The following LCOR variants were observed in gnomAD, a reference collection of about 807,000 sequenced individuals.
LCOR encodes ligand dependent nuclear receptor corepressor.
Under a neutral mutation model 64.4 loss-of-function variants are expected in LCOR, and 14 were observed. That is an observed-to-expected ratio of 0.22 (90% CI 0.14 to 0.34). The LOEUF (loss-of-function observed/expected upper bound fraction) is 0.34, where lower values mean the gene tolerates loss of function less well. LCOR is among the 10% of genes least tolerant of loss of function. The pLI, the probability that LCOR is intolerant of heterozygous loss-of-function variation, is 1.00. For synonymous variants in LCOR, 643 were observed against 642.5 expected, an observed-to-expected ratio of 1.00 and a Z score of -0.01; for missense variants, 1,686 against 1,765.3, an observed-to-expected ratio of 0.96 and a Z score of 0.80.
Position 96,981,477 on chromosome 10 carries a change from T to G in LCOR, c.1017T>G (p.Pro339=), listed in dbSNP as rs755640559. 22 of 1,614,088 alleles carry G rather than the reference T, an allele frequency of 1.4e-5. No homozygotes were observed. Among genetic ancestry groups the G allele is most frequent in the Non-Finnish European group, 1.7e-5 (20 of 1,180,028 alleles). The part of the protein sequence containing the change: ...NSEEGNTCII[P]QRNLFKALSE... ...AGGAAGGCAATACCTGTATTATTCCTCAAAGAAATTTGTTCAAAGCTTTAT... is the reference window on the plus strand; with the variant it reads ...AGGAAGGCAATACCTGTATTATTCCGCAAAGAAATTTGTTCAAAGCTTTAT... Residue 339 remains proline, a synonymous_variant, in exon 8 of 8, where the codon CCT becomes CCG. Transcript: ENST00000421806.
chr10:96,920,955 A>G (rs1210758701), intron 4 of LCOR, among the ~76,000 whole-genome samples: 1 of 151,602 alleles, frequency 6.6e-6, no homozygotes, highest in East Asian at 1.9e-4. Flanking sequence ...TTGCCACCAC[A>G]CCTGGCTAAT....
intron 4 of LCOR, among the ~76,000 whole-genome samples, chr10:96,920,350 G>GT (rs998855158): frequency 2.7e-5 from 4 of 148,764 alleles, no homozygotes; most frequent in African/African-American, 7.4e-5. Flanking sequence ...TTTGAATTCG[G>GT]TTGTTTCTTG....
intron 1 of LCOR, chr10:96,832,891 G>A: frequency 1.4e-6 from 1 of 719,182 alleles, no homozygotes. Flanking sequence ...CCACGCGCGG[G>A]GCGCGCCCCC....
At chr10:96,913,684 G>T (rs1423813075) in intron 4 of LCOR, among the ~76,000 whole-genome samples, 1 of 152,176 alleles carries the variant, frequency 6.6e-6, no homozygotes, top group Non-Finnish European at 1.5e-5. Context: ...ACTTTGGAAG[G>T]CCTCAGGCAG....
At chr10:96,834,419 C>T (rs925714834) in intron 2 of LCOR, among the ~76,000 whole-genome samples, 1 of 152,184 alleles carries the variant, frequency 6.6e-6, no homozygotes, top group South Asian at 2.1e-4. Context: ...TTATCCTGTA[C>T]TCTGCTCTAT....
At chr10:96,929,823 T>C (rs1042303751) in intron 4 of LCOR, among the ~76,000 whole-genome samples, 3 of 152,180 alleles carry the variant, frequency 2.0e-5, no homozygotes, top group African/African-American at 7.2e-5. Flanking sequence ...CTAGAGGTCA[T>C]TGTAAAGTAT....
intron 4 of LCOR, among the ~76,000 whole-genome samples, chr10:96,922,514 T>C (rs912688995): frequency 1.3e-5 from 2 of 152,236 alleles, no homozygotes; most frequent in African/African-American, 4.8e-5. Context: ...TTGGATATTC[T>C]TGCATTTGTA....
chr10:96,849,825 CA>C (rs1845695849), intron 2 of LCOR, among the ~76,000 whole-genome samples: 1 of 150,564 alleles, frequency 6.6e-6, no homozygotes, highest in Admixed American at 6.6e-5. Flanking sequence ...CATGATGCCC[CA>C]TGATGGGACC....
intron 2 of LCOR, among the ~76,000 whole-genome samples, chr10:96,872,929 A>T (rs1247062569): frequency 1.3e-5 from 2 of 149,692 alleles, no homozygotes; most frequent in Non-Finnish European, 3.0e-5. Flanking sequence ...ATGTTTTTTT[A>T]AAAAACCAAA....
chr10:96,842,407 C>T (rs1845556727), intron 2 of LCOR, among the ~76,000 whole-genome samples: 1 of 151,866 alleles, frequency 6.6e-6, no homozygotes, highest in Non-Finnish European at 1.5e-5. Flanking sequence ...TACATACATA[C>T]ATACATAAAT....
Position 96,991,169 on chromosome 10 carries a change from T to TC in LCOR, c.*6035_*6036insC, listed in dbSNP as rs1456152422. 2.0e-5 allele frequency: 3 copies of TC among 152,196 alleles called. No homozygotes were observed. Among genetic ancestry groups the TC allele is most frequent in the African/African-American group, 7.2e-5 (3 of 41,442 alleles). 9.4% of individuals were successfully genotyped at this position (152,196 alleles called of 1,614,324 possible). A position where few individuals can be genotyped will look rare whatever the true frequency, so the allele number is the denominator to read the frequency against. On this transcript the variant is annotated 3_prime_UTR_variant, in exon 8 of 8. Transcript: ENST00000421806. The stretch of plus-strand genomic sequence containing the variant: ...GTGTAGACAGGCACAACTTTTTTTT[T>TC]TCATATGCTCCAACATTTTTTTCAT...
rs1286689949 is a variant in LCOR, at chr10:96,949,103, AATAGCT to A, written c.47_52del (p.Asn16_Ser18delinsThr). 2 of 1,614,076 alleles carry A rather than the reference AATAGCT, an allele frequency of 1.2e-6. No individual in the cohort carries two copies. Among genetic ancestry groups the A allele is most frequent in the South Asian group, 1.1e-5 (1 of 91,078 alleles). ...ATTTGCTGCTGAATATACCTCAAAAAATAGCTCTACTCAGGACCCCAGCCAGCCCAA... is the reference window on the plus strand; with the variant it reads ...ATTTGCTGCTGAATATACCTCAAAAACTACTCAGGACCCCAGCCAGCCCAA... On this transcript the variant is annotated inframe_deletion, in exon 6 of 8. Coordinates refer to ENST00000421806, the MANE Select transcript of LCOR (RefSeq NM_001346516.2).
rs1848098702 is a variant in LCOR, at chr10:96,982,377, C to T, written c.1917C>T (p.Pro639=). The part of the protein sequence containing the change: ...LPEGGSTVSA[P]TASGMSSPEH... ...AAGGTGGCTCCACAGTCTCAGCTCC[C>T]ACAGCAAGTGGGATGTCTTCTCCTG... Residue 639 remains proline (P), a synonymous_variant, in exon 8 of 8, where the codon CCC becomes CCT. Transcript: ENST00000421806. 3 of 1,614,186 alleles carry T rather than the reference C, an allele frequency of 1.9e-6. No individual in the cohort carries two copies. Among genetic ancestry groups the T allele is most frequent in the Non-Finnish European group, 2.5e-6 (3 of 1,180,034 alleles).
chr10:96,886,076 C>T (rs1248306982), intron 2 of LCOR, among the ~76,000 whole-genome samples: 2 of 152,086 alleles, frequency 1.3e-5, no homozygotes, highest in South Asian at 2.1e-4. Flanking sequence ...CGAGGTTTCA[C>T]CATGTTGGCC....
intron 2 of LCOR, among the ~76,000 whole-genome samples, chr10:96,871,087 T>A (rs1450858451): frequency 6.6e-6 from 1 of 152,178 alleles, no homozygotes; most frequent in East Asian, 1.9e-4. Context: ...GACAGAATCT[T>A]GCTCTGTTGT....
At chr10:96,907,559 T>TA (rs1309256158) in intron 3 of LCOR, 109 bp from the exon 4 acceptor site, 10 of 330,192 alleles carry the variant, frequency 3.0e-5, no homozygotes, top group Non-Finnish European at 3.9e-5. Context: ...TTAAGACAAA[T>TA]ATGGCCTAAC....
intron 4 of LCOR, among the ~76,000 whole-genome samples, chr10:96,940,292 AGGT>A (rs913201467): frequency 8.7e-5 from 13 of 148,642 alleles, no homozygotes; most frequent in Admixed American, 3.4e-4. Context: ...ACTATAATAA[AGGT>A]GGTCATGATT....
intron 4 of LCOR, among the ~76,000 whole-genome samples, chr10:96,922,704 T>TA (rs1385330611): frequency 1.3e-5 from 2 of 152,180 alleles, no homozygotes; most frequent in African/African-American, 4.8e-5. Flanking sequence ...TTAATGTTGT[T>TA]AAAAACTATA....
chr10:96,938,933 C>A (rs1847399843), intron 4 of LCOR, among the ~76,000 whole-genome samples: 1 of 152,204 alleles, frequency 6.6e-6, no homozygotes, highest in Admixed American at 6.5e-5. Context: ...GGTATTACTT[C>A]CCAAATTGAT....
Sources: allele counts gnomAD v4.1 joint callset (sites outside exome capture counted in the v4.1 genomes callset), GRCh38; gene constraint gnomAD v4.1.1; transcripts MANE v1.5; gene names NCBI Gene and HGNC (gene_info 2026-07-23, HGNC 2026-07-21).